Variants in ZCWPW1 observed in about 807,000 individuals in gnomAD.
The protein encoded by ZCWPW1 is zinc finger CW-type PWWP domain protein 1.
In ZCWPW1, 56 loss-of-function variants were observed where a neutral mutation model predicts 81.3. The observed-to-expected ratio is 0.69, with a 90% CI of 0.56 to 0.86. ZCWPW1 has a LOEUF of 0.86. Ranked by LOEUF, ZCWPW1 falls within the 40% of genes least tolerant of loss-of-function variation. The probability of loss-of-function intolerance (pLI) is 0.00; values close to 1 mark genes in which losing one functional copy is unlikely to be tolerated. For missense variants in ZCWPW1, 650 were observed against 769.8 expected (o/e 0.84, Z 1.84); for synonymous variants, 250 against 273.7 (o/e 0.91, Z 0.86).
chr7:100,425,269 C>G (rs564397057), intron 1 of ZCWPW1, 133 bp from the exon 2 acceptor site: 1 of 152,076 alleles, frequency 6.6e-6, no homozygotes, highest in Non-Finnish European at 1.5e-5. Flanking sequence ...TTTAATTTCT[C>G]TTTTCTTACC....
At chr7:100,403,666 T>C (rs1792393676) in intron 15 of ZCWPW1, 28 bp downstream of exon 15, 1 of 1,570,036 alleles carries the variant, frequency 6.4e-7, no homozygotes, top group Non-Finnish European at 8.7e-7. Context: ...TCTATAAAAA[T>C]AAAAACTGAA....
intron 8 of ZCWPW1, among the ~76,000 whole-genome samples, chr7:100,412,899 T>G (rs927214910): frequency 6.6e-6 from 1 of 152,060 alleles, no homozygotes; most frequent in Non-Finnish European, 1.5e-5. Flanking sequence ...TAAATATATA[T>G]TTTTTTGAGA....
chr7:100,407,130 GC>G, intron 11 of ZCWPW1, 97 bp downstream of exon 11: 1 of 1,122,804 alleles, frequency 8.9e-7, no homozygotes, highest in Non-Finnish European at 1.3e-6. Context: ...ACTTGTGTCT[GC>G]TGGCTATGTC....
At chr7:100,405,654 G>C (rs1792854750) in intron 12 of ZCWPW1, among the ~76,000 whole-genome samples, 1 of 151,972 alleles carries the variant, frequency 6.6e-6, no homozygotes. Flanking sequence ...TATGTTTGGA[G>C]ACAGTCTCAC....
chr7:100,426,201 G>C (rs1200201193), intron 1 of ZCWPW1, among the ~76,000 whole-genome samples: 1 of 152,172 alleles, frequency 6.6e-6, no homozygotes, highest in Admixed American at 6.5e-5. Context: ...GGTATTTAAA[G>C]AGTATATTTC....
intron 16 of ZCWPW1, chr7:100,402,271 T>C: frequency 1.2e-6 from 1 of 819,796 alleles, no homozygotes. Context: ...GAGTCTACCT[T>C]CTCCAGAAAG....
chr7:100,419,783 C>A lies in ZCWPW1; in HGVS notation c.129G>T (p.Gly43=). ...SPNSPKEETP[G]ISSPETEARI... The stretch of plus-strand genomic sequence containing the variant: ...TGGCCTCTGTCTCTGGGGAACTGAT[C>A]CCCGGGGTCTCCTCCTTAGGGGAGT... Residue 43 remains glycine (G), a synonymous_variant, in exon 4 of 18, where the codon GGG becomes GGT. Coordinates refer to ENST00000684423, the MANE Select transcript of ZCWPW1 (RefSeq NM_001386010.1). The A allele has an allele frequency of 6.2e-7, 1 of 1,614,018 alleles. No individual in the cohort carries two copies. The highest frequency in any genetic ancestry group is 8.5e-7 in the Non-Finnish European group (1 of 1,180,000).
chr7:100,401,498 G>A lies in ZCWPW1; in HGVS notation c.1628-162C>T, dbSNP rs77362472. Among the ~76,000 whole-genome samples the A allele has an allele frequency of 5.3e-4, 81 of 152,292 alleles. No individual in the cohort carries two copies. In the East Asian group the frequency reaches 0.015, roughly 29 times the overall value. Reference sequence around the variant, plus strand: ...TTGGGATCAGAAAGAGAGTCAAGCCGTCTGCCCTATGCTAGTCACCAGCCT... The same window carrying A: ...TTGGGATCAGAAAGAGAGTCAAGCCATCTGCCCTATGCTAGTCACCAGCCT... On this transcript the variant is annotated intron_variant, in intron 17 of 17. Transcript: ENST00000684423.
At position 100,404,048 on chromosome 7, in the gene ZCWPW1, G is replaced by A. The variant is rs939559799; in HGVS notation, c.1321+130C>T. Reference sequence around the variant, plus strand: ...GATACTGGGTCAATGACATTCACAAGAGCCTCCTATTAAAGAATCCAGAAT... The same window carrying A: ...GATACTGGGTCAATGACATTCACAAAAGCCTCCTATTAAAGAATCCAGAAT... On this transcript the variant is annotated intron_variant, in intron 14 of 17. Coordinates refer to ENST00000684423, the MANE Select transcript of ZCWPW1 (RefSeq NM_001386010.1). The A allele has an allele frequency of 9.1e-6, 9 of 992,120 alleles. 1 individual carries two copies. In the Admixed American group the frequency reaches 2.4e-4, roughly 26 times the overall value. The allele number at this position is 992,120 out of a possible 1,614,324, so 61.5% of individuals were successfully genotyped here. A position where few individuals can be genotyped will look rare whatever the true frequency, so the allele number is the denominator to read the frequency against.
At position 100,409,553 on chromosome 7, in the gene ZCWPW1, G is replaced by A. The variant is rs1193247881; in HGVS notation, c.755-9C>T. 6.3e-7 allele frequency: 1 copy of A among 1,591,034 alleles called. No individual in the cohort carries two copies. The highest frequency in any genetic ancestry group is 8.6e-7 in the Non-Finnish European group (1 of 1,163,462). ...CCAGACCAGACATTGACCTGTGAGAGGAAAAAAATGAAATAAGAGACTTAA... is the reference window on the plus strand; with the variant it reads ...CCAGACCAGACATTGACCTGTGAGAAGAAAAAAATGAAATAAGAGACTTAA... On this transcript the variant is annotated splice_polypyrimidine_tract_variant and intron_variant, in intron 8 of 17. Transcript: ENST00000684423.
intron 1 of ZCWPW1, among the ~76,000 whole-genome samples, chr7:100,427,372 G>A (rs1013662751): frequency 3.3e-5 from 5 of 150,992 alleles, no homozygotes; most frequent in African/African-American, 9.8e-5. Flanking sequence ...GGACCAGCCT[G>A]GCCAATACGG....
rs955190979 is a variant in ZCWPW1 at position 100,404,213 on chromosome 7, C to T, written c.1286G>A (p.Arg429Gln). ...CCCATTACTGTTAGATCCGTTGAAT[C>T]GGCTCCAGAAACCAAACAAGTTAAC... ...ERVNLFGFWS[R>Q]FNGSNSNGER... The change falls in exon 14 of 18, where the codon CGA becomes CAA. Residue 429 changes from arginine (R) to glutamine (Q), a missense_variant. Arg to Gln is a conservative substitution (Grantham distance 43). Transcript: ENST00000684423. 3.7e-6 allele frequency: 6 copies of T among 1,613,952 alleles called. No individual in the cohort carries two copies. The highest frequency in any genetic ancestry group is 2.7e-5 in the African/African-American group (2 of 74,924).
intron 1 of ZCWPW1, among the ~76,000 whole-genome samples, chr7:100,428,292 G>T (rs1485278684): frequency 6.6e-6 from 1 of 152,026 alleles, no homozygotes; most frequent in African/African-American, 2.4e-5. Context: ...AGCTCCACCC[G>T]AGGGCGGTGC....
intron 16 of ZCWPW1, chr7:100,402,282 C>T: frequency 1.2e-6 from 1 of 824,192 alleles, no homozygotes; most frequent in Non-Finnish European, 2.1e-6. Context: ...CTCCAGAAAG[C>T]CATCCTTCTT....
intron 5 of ZCWPW1, among the ~76,000 whole-genome samples, chr7:100,418,029 T>G (rs1185030361): frequency 6.6e-6 from 1 of 151,564 alleles, no homozygotes; most frequent in African/African-American, 2.4e-5. Context: ...GGACTAGAGG[T>G]GCACGCCACC....
chr7:100,406,787 A>G lies in ZCWPW1; in HGVS notation c.1080T>C (p.His360=), dbSNP rs1395641978. ...SHLDSLPSKY[H]VTFFGETVSR... Reference sequence around the variant, plus strand: ...AAACTGTTTCTCCAAAAAACGTCACATGGTACTTAGACTGAAATAAAAGAT... The same window carrying G: ...AAACTGTTTCTCCAAAAAACGTCACGTGGTACTTAGACTGAAATAAAAGAT... Residue 360 remains histidine (H), a synonymous_variant, in exon 12 of 18, where the codon CAT becomes CAC. Transcript: ENST00000684423. 4 of 1,614,074 alleles carry G rather than the reference A, an allele frequency of 2.5e-6. No homozygotes were observed. Among genetic ancestry groups the G allele is most frequent in the Admixed American group, 1.7e-5 (1 of 60,010 alleles).
At chr7:100,401,402 A>C (rs1791854446) in intron 17 of ZCWPW1, 66 bp from the exon 18 acceptor site, 7 of 1,338,694 alleles carry the variant, frequency 5.2e-6, no homozygotes, top group Non-Finnish European at 6.1e-6. Context: ...TTTATAAGTC[A>C]AACTCCTAAA....
chr7:100,416,468 G>A lies in ZCWPW1; in HGVS notation c.480-12C>T, dbSNP rs370200690. On this transcript the variant is annotated splice_polypyrimidine_tract_variant and intron_variant, in intron 6 of 17. Transcript: ENST00000684423. Reference sequence around the variant, plus strand: ...GTGGTACCTCCTCTCTGAAAATGAGGTTTTATTTTAATGAAAGGTAAAAAT... The same window carrying A: ...GTGGTACCTCCTCTCTGAAAATGAGATTTTATTTTAATGAAAGGTAAAAAT... 8.8e-5 allele frequency: 142 copies of A among 1,611,246 alleles called. No homozygotes were observed. Among genetic ancestry groups the A allele is most frequent in the Non-Finnish European group, 1.1e-4 (133 of 1,178,926 alleles).
intron 6 of ZCWPW1, 74 bp downstream of exon 6, chr7:100,416,992 C>G: frequency 9.7e-7 from 1 of 1,030,240 alleles, no homozygotes; most frequent in South Asian, 1.4e-5. Flanking sequence ...GATAGACAGA[C>G]AGATAGATAG....
Sources: allele counts gnomAD v4.1 joint callset (sites outside exome capture counted in the v4.1 genomes callset), GRCh38; gene constraint gnomAD v4.1.1; transcripts MANE v1.5; gene names NCBI Gene and HGNC (gene_info 2026-07-23, HGNC 2026-07-21).